Variants in IDUA observed in about 807,000 individuals in gnomAD.
IDUA encodes the protein alpha-L-iduronidase.
A neutral mutation model predicts 68.9 loss-of-function variants in IDUA; 65 were observed. The observed-to-expected ratio is 0.94, with a 90% confidence interval of 0.77 to 1.16. The LOEUF (loss-of-function observed/expected upper bound fraction) is 1.16. Among genes scored for constraint, IDUA ranks in the 50% most tolerant of loss-of-function variants. IDUA has a pLI of 0.00. For synonymous variants in IDUA, 529 were observed against 433.6 expected, an observed-to-expected ratio of 1.22 and a Z score of -2.73; for missense variants, 1,046 against 938.0, an observed-to-expected ratio of 1.12 and a Z score of -1.50.
At position 1,002,374 on chromosome 4, in the gene IDUA, T is replaced by C. The variant is rs1445832880; in HGVS notation, c.1078T>C (p.Phe360Leu). 6.2e-7 allele frequency: 1 copy of C among 1,612,104 alleles called. No individual in the cohort carries two copies. Among genetic ancestry groups the C allele is most frequent in the Non-Finnish European group, 8.5e-7 (1 of 1,179,396 alleles). Reference protein sequence around the residue: ...NAFLSYHPHPFAQRTLTARFQ... With the variant: ...NAFLSYHPHPLAQRTLTARFQ... Reference sequence around the variant, plus strand: ...CTTCCTGAGCTACCACCCGCACCCCTTCGCGCAGCGCACGCTCACCGCGCG... The same window carrying C: ...CTTCCTGAGCTACCACCCGCACCCCCTCGCGCAGCGCACGCTCACCGCGCG... Residue 360 changes from phenylalanine (F) to leucine (L), a missense_variant, in exon 8 of 14, where the codon TTC (phenylalanine) becomes CTC (leucine). Physicochemically the swap from Phe to Leu is conservative, Grantham distance 22. Coordinates refer to ENST00000514224, the MANE Select transcript of IDUA (RefSeq NM_000203.5).
In IDUA at chr4:1,003,668, AGGTCCCTG is replaced by A. The variant is rs754226632; in HGVS notation, c.1727+50_1727+57del. ...CCCCTCCCTCTGCCTGGTCCTAGGCAGGTCCCTGGGTCCCGACCCCTTCACCCATGCGG... is the reference window on the plus strand; with the variant it reads ...CCCCTCCCTCTGCCTGGTCCTAGGCAGGTCCCGACCCCTTCACCCATGCGG... On this transcript the variant is annotated intron_variant, in intron 12 of 13. Transcript: ENST00000514224. 4.3e-5 allele frequency: 69 copies of A among 1,605,670 alleles called. 1 individual carries two copies. The South Asian group carries it at 6.9e-4, about 16-fold the overall frequency.
chr4:1,002,224 G>C lies in IDUA; in HGVS notation c.973-45G>C, dbSNP rs6831021. On this transcript the variant is annotated intron_variant, in intron 7 of 13. Transcript: ENST00000514224. ...CTTCCTCCCGAGACGGGACAGGCGAGCGGTGGCCGCGCCACCCGGTCCCAG... is the reference window on the plus strand; with the variant it reads ...CTTCCTCCCGAGACGGGACAGGCGACCGGTGGCCGCGCCACCCGGTCCCAG... 257,425 of 1,579,492 alleles carry C rather than the reference G, an allele frequency of 0.16. 22,633 individuals carry two copies. The highest frequency in any genetic ancestry group is 0.3 in the South Asian group (26,161 of 87,578).
chr4:990,392 G>A (rs1427397294), intron 2 of IDUA: 7 of 1,543,552 alleles, frequency 4.5e-6, no homozygotes, highest in African/African-American at 1.4e-5. Flanking sequence ...AGGCCAGCAG[G>A]CGCCTGGCGG....
intron 2 of IDUA, chr4:989,609 A>G: frequency 6.2e-7 from 1 of 1,602,468 alleles, no homozygotes; most frequent in Non-Finnish European, 8.5e-7. Flanking sequence ...ACGATGACGC[A>G]GGCCAGCACG....
intron 2 of IDUA, chr4:989,039 G>C (rs1461885620): frequency 6.3e-7 from 1 of 1,579,724 alleles, no homozygotes; most frequent in Non-Finnish European, 8.6e-7. Context: ...TAGTCTCGGC[G>C]CAGGTCCTGC....
chr4:1,003,331 G>A lies in IDUA; in HGVS notation c.1525-14G>A. On this transcript the variant is annotated splice_polypyrimidine_tract_variant and intron_variant, in intron 10 of 13. Coordinates refer to ENST00000514224, the MANE Select transcript of IDUA (RefSeq NM_000203.5). ...CTCCCCTGGAGAACCCTGAGGACCG[G>A]CCACTGCGCCCAGGACCCGGTGGCC... 6.9e-7 allele frequency: 1 copy of A among 1,448,910 alleles called. No individual in the cohort carries two copies. Among genetic ancestry groups the A allele is most frequent in the Admixed American group, 2.7e-5 (1 of 36,904 alleles). The allele number at this position is 1,448,910 out of a possible 1,614,324, so 89.8% of individuals were successfully genotyped here.
chr4:996,978 C>A (rs982699741), intron 2 of IDUA, among the ~76,000 whole-genome samples: 1 of 152,196 alleles, frequency 6.6e-6, no homozygotes, highest in African/African-American at 2.4e-5. Context: ...CTGAACCCCC[C>A]TCCCGCCTGA....
At chr4:989,969 G>T (rs1473309347) in intron 2 of IDUA, 1 of 1,556,966 alleles carries the variant, frequency 6.4e-7, no homozygotes, top group Non-Finnish European at 8.7e-7. Context: ...AAACCCGTGG[G>T]GATGTCGCCA....
chr4:988,172 C>T, intron 2 of IDUA: 2 of 1,389,654 alleles, frequency 1.4e-6, no homozygotes, highest in African/African-American at 1.5e-5. Context: ...TCCCTGCAGG[C>T]TCAGGGTTGG....
At chr4:995,715 G>A (rs1047742591) in intron 2 of IDUA, among the ~76,000 whole-genome samples, 7 of 152,228 alleles carry the variant, frequency 4.6e-5, no homozygotes, top group African/African-American at 7.2e-5. Context: ...GCACAGCCCC[G>A]GAGGGAGGAG....
Position 1,003,078 on chromosome 4 carries a change from G to A in IDUA, c.1445G>A (p.Ser482Asn), listed in dbSNP as rs1484510282. The A allele has an allele frequency of 6.6e-7, 1 of 1,521,788 alleles. No individual in the cohort carries two copies. The highest frequency in any genetic ancestry group is 1.2e-5 in the South Asian group (1 of 82,046). The allele number at this position is 1,521,788 out of a possible 1,614,324, so 94.3% of individuals were successfully genotyped here. Reference sequence around the variant, plus strand: ...CGCTACCTGGACAACGGGCTCTGCAGCCCCGACGGCGAGTGGCGGCGCCTG... The same window carrying A: ...CGCTACCTGGACAACGGGCTCTGCAACCCCGACGGCGAGTGGCGGCGCCTG... ...VTRYLDNGLC[S>N]PDGEWRRLGR... Residue 482 changes from serine to asparagine, a missense_variant, in exon 10 of 14, where the codon AGC becomes AAC. Coordinates refer to ENST00000514224, the MANE Select transcript of IDUA (RefSeq NM_000203.5).
intron 2 of IDUA, chr4:991,880 C>G (rs1383148975): frequency 2.1e-6 from 3 of 1,415,162 alleles, no homozygotes; most frequent in Non-Finnish European, 2.9e-6. Flanking sequence ...AGCGCGGGCC[C>G]CAGCCCCCTG....
rs1300038350 is a variant in IDUA at position 1,001,375 on chromosome 4, T to A, written c.494-93T>A. On this transcript the variant is annotated intron_variant, in intron 4 of 13. Transcript: ENST00000514224. Reference sequence around the variant, plus strand: ...GCATGGAGATGGGGTTCATCTTGAGTCAGACGCCCTTCATCACCTTGCACC... The same window carrying A: ...GCATGGAGATGGGGTTCATCTTGAGACAGACGCCCTTCATCACCTTGCACC... The A allele has an allele frequency of 1.1e-5, 11 of 1,044,666 alleles. No homozygotes were observed. In the Admixed American group the frequency reaches 1.9e-4, roughly 18 times the overall value. 64.7% of individuals were successfully genotyped at this position (1,044,666 alleles called of 1,614,324 possible).
Position 1,000,482 on chromosome 4 carries a change from G to C in IDUA, c.300-130G>C, listed in dbSNP as rs1482109648. 9 of 752,976 alleles carry C rather than the reference G, an allele frequency of 1.2e-5. No individual in the cohort carries two copies. The East Asian group carries it at 1.3e-4, about 11-fold the overall frequency. 46.6% of individuals were successfully genotyped at this position (752,976 alleles called of 1,614,324 possible). Reference sequence around the variant, plus strand: ...TATTTTCCAAGGGGAAGGGCCCCTCGGGAAGCCGGGATCGGAGTCCTGTGT... The same window carrying C: ...TATTTTCCAAGGGGAAGGGCCCCTCCGGAAGCCGGGATCGGAGTCCTGTGT... On this transcript the variant is annotated intron_variant, in intron 2 of 13. Coordinates refer to ENST00000514224, the MANE Select transcript of IDUA (RefSeq NM_000203.5).
rs1456090810 is a variant in IDUA, at chr4:1,004,308, G to A, written c.1877G>A (p.Trp626Ter). ...GSYRVRALDYWARPGPFSDPV... is the reference protein window; with the variant it reads ...GSYRVRALDY ...TACCGAGTTCGAGCCCTGGACTACT[G>A]GGCCCGACCAGGCCCCTTCTCGGAC... Residue 626 changes from tryptophan (W) to a stop codon, truncating the protein, a stop_gained, in exon 14 of 14, where the codon TGG (tryptophan) becomes TAG (stop). Coordinates refer to ENST00000514224, the MANE Select transcript of IDUA (RefSeq NM_000203.5). LOFTEE classifies it low-confidence loss of function (END_TRUNC). The surrounding 1 kb of genome is among the most constrained non-coding windows in gnomAD (Gnocchi z 5.0). 1.2e-6 allele frequency: 2 copies of A among 1,611,358 alleles called. No individual in the cohort carries two copies. Among genetic ancestry groups the A allele is most frequent in the South Asian group, 1.1e-5 (1 of 91,068 alleles).
chr4:988,524 A>G, intron 2 of IDUA: 1 of 1,196,620 alleles, frequency 8.4e-7, no homozygotes, highest in Non-Finnish European at 1.0e-6. Flanking sequence ...TTCAAATAAG[A>G]TGTCAACCCT....
chr4:1,001,118 G>C lies in IDUA; in HGVS notation c.493+129G>C, dbSNP rs1301807449. 8.4e-6 allele frequency: 6 copies of C among 714,236 alleles called. No homozygotes were observed. In the Admixed American group the frequency reaches 1.3e-4, roughly 15 times the overall value. The allele number at this position is 714,236 out of a possible 1,614,324, so 44.2% of individuals were successfully genotyped here. ...GGGCAGGCGCAGGCCCTTGTGGGGG[G>C]ATGGGGGTGACAAGGGATAGGTTGG... is the stretch of plus-strand genomic sequence containing the variant. On this transcript the variant is annotated intron_variant, in intron 4 of 13. Coordinates refer to ENST00000514224, the MANE Select transcript of IDUA (RefSeq NM_000203.5).
chr4:997,996 C>G (rs927325414), intron 2 of IDUA, among the ~76,000 whole-genome samples: 1 of 152,250 alleles, frequency 6.6e-6, no homozygotes, highest in African/African-American at 2.4e-5. Context: ...TCACTTTCCT[C>G]CAGGTCACCG....
At position 1,002,464 on chromosome 4, in the gene IDUA, A is replaced by G. The variant is rs1455637147; in HGVS notation, c.1168A>G (p.Met390Val). 2 of 1,549,216 alleles carry G rather than the reference A, an allele frequency of 1.3e-6. No individual in the cohort carries two copies. Among genetic ancestry groups the G allele is most frequent in the Admixed American group, 2.0e-5 (1 of 51,120 alleles). ...QLLRKPVLTA[M>V]GLLALLDEEQ... ...GTTGCGCAAGCCGGTGCTCACGGCC[A>G]TGGGGCTGCTGGCGCTGCTGGGTGA... is the stretch of plus-strand genomic sequence containing the variant. The change falls in exon 8 of 14, where the codon ATG (methionine) becomes GTG (valine). Residue 390 changes from methionine to valine, a missense_variant. Transcript: ENST00000514224.
Sources: allele counts gnomAD v4.1 joint callset (sites outside exome capture counted in the v4.1 genomes callset), GRCh38; gene constraint gnomAD v4.1.1; non-coding constraint Gnocchi (gnomAD v3.1); transcripts MANE v1.5; gene names NCBI Gene and HGNC (gene_info 2026-07-23, HGNC 2026-07-21).